The following TGM5 variants were observed in gnomAD, a reference collection of about 807,000 sequenced individuals.
TGM5 encodes transglutaminase 5, also known as protein-glutamine gamma-glutamyltransferase 5.
TGM5 carries 69 observed loss-of-function variants against 77.2 expected under a neutral mutation model. That is an observed-to-expected ratio of 0.89 (90% CI 0.74 to 1.09). TGM5 has a LOEUF of 1.09. TGM5 is among the 50% of genes least tolerant of loss of function. The pLI is 0.00. For synonymous variants in TGM5, 346 were observed against 351.8 expected (o/e 0.98, Z 0.18); for missense variants, 842 against 896.5 (o/e 0.94, Z 0.78).
chr15:43,236,049 A>G (rs1278737379), intron 9 of TGM5, among the ~76,000 whole-genome samples: 1 of 152,252 alleles, frequency 6.6e-6, no homozygotes, highest in Non-Finnish European at 1.5e-5. Context: ...AGCAAGGTGT[A>G]TTACCATTAG....
At chr15:43,250,311 T>G (rs2042695606) in intron 6 of TGM5, among the ~76,000 whole-genome samples, 1 of 152,222 alleles carries the variant, frequency 6.6e-6, no homozygotes, top group South Asian at 2.1e-4. Flanking sequence ...CAGTATGAAG[T>G]CACTCAATCC....
chr15:43,245,041 C>G (rs978100081), intron 6 of TGM5, among the ~76,000 whole-genome samples: 1 of 152,030 alleles, frequency 6.6e-6, no homozygotes, highest in Non-Finnish European at 1.5e-5. Flanking sequence ...TGCACTCCAG[C>G]CTGGGTGCTC....
rs1248484913 is a variant in TGM5, at chr15:43,257,380, A to G, written c.437-694T>C. Among the ~76,000 whole-genome samples the G allele has an allele frequency of 2.6e-5, 4 of 152,354 alleles. No homozygotes were observed. In the East Asian group the frequency reaches 5.8e-4, roughly 22 times the overall value. On this transcript the variant is annotated intron_variant, in intron 3 of 12. Transcript: ENST00000220420. ...ATACATGAAGTCTGAACAGATTATG[A>G]ACAATGTTTACAGCATGAATTTTTA...
intron 6 of TGM5, chr15:43,247,717 T>C (rs1029437879): frequency 2.6e-5 from 4 of 151,826 alleles, no homozygotes; most frequent in Non-Finnish European, 4.4e-5. Flanking sequence ...AACTAATTCA[T>C]CACAACAAGT....
At chr15:43,248,657 T>C (rs2042684672) in intron 6 of TGM5, among the ~76,000 whole-genome samples, 1 of 152,208 alleles carries the variant, frequency 6.6e-6, no homozygotes, top group Non-Finnish European at 1.5e-5. Context: ...CTTATGTCAA[T>C]GGAAATCAAT....
Position 43,238,952 on chromosome 15 carries a change from T to G in TGM5, c.1210A>C (p.Met404Leu). 1 of 1,614,226 alleles carries G rather than the reference T, an allele frequency of 6.2e-7. No homozygotes were observed. Among genetic ancestry groups the G allele is most frequent in the Non-Finnish European group, 8.5e-7 (1 of 1,180,048 alleles). ...TTCCCTCCCTGGACGAGCCAGGACA[T>G]GCAGTCAGCATTCACCATCGAAAAC... is the stretch of plus-strand genomic sequence containing the variant. ...FVFSMVNADC[M>L]SWLVQGGKEQ... The change falls in exon 9 of 13, where the codon ATG (methionine) becomes CTG (leucine). Residue 404 changes from methionine (M) to leucine (L), a missense_variant. By Grantham distance (15) the Met-to-Leu change is conservative. Around this residue, in one of 2 missense-constraint regions of TGM5, gnomAD observed 815 missense variants for 844.6 expected, o/e 0.96. Transcript: ENST00000220420.
At chr15:43,239,345 A>C in intron 7 of TGM5, 79 bp from the exon 8 acceptor site, 1 of 1,426,084 alleles carries the variant, frequency 7.0e-7, no homozygotes, top group African/African-American at 1.4e-5. Context: ...GAGCAAATGA[A>C]CTGTTGGATA....
intron 4 of TGM5, 41 bp downstream of exon 4, chr15:43,256,527 G>T: frequency 2.0e-6 from 3 of 1,508,878 alleles, no homozygotes; most frequent in Non-Finnish European, 1.8e-6. Flanking sequence ...CTCCCCACAA[G>T]CTCGGGGCCG....
At chr15:43,246,981 A>T (rs1291401517) in intron 6 of TGM5, among the ~76,000 whole-genome samples, 2 of 152,086 alleles carry the variant, frequency 1.3e-5, no homozygotes, top group Non-Finnish European at 2.9e-5. Flanking sequence ...AACATGGCGA[A>T]ACCCTGCCTC....
chr15:43,233,069 CTG>C lies in TGM5; in HGVS notation c.*120_*121del, dbSNP rs1312507796. The C allele has an allele frequency of 7.3e-6, 9 of 1,227,940 alleles. No individual in the cohort carries two copies. The highest frequency in any genetic ancestry group is 1.0e-5 in the Non-Finnish European group (9 of 865,856). 76.1% of individuals were successfully genotyped at this position (1,227,940 alleles called of 1,614,324 possible). ...ACAGAAAATGAACACGTCATCCCCTCTGTGGCTCTTGCTGGAGCCCTGTGAAG... is the reference window on the plus strand; with the variant it reads ...ACAGAAAATGAACACGTCATCCCCTCTGGCTCTTGCTGGAGCCCTGTGAAG... On this transcript the variant is annotated 3_prime_UTR_variant, in exon 13 of 13. Coordinates refer to ENST00000220420, the MANE Select transcript of TGM5 (RefSeq NM_201631.4).
At chr15:43,235,128 G>A (rs2042578342) in intron 10 of TGM5, among the ~76,000 whole-genome samples, 199 bp from the exon 11 acceptor site, 1 of 152,178 alleles carries the variant, frequency 6.6e-6, no homozygotes, top group Non-Finnish European at 1.5e-5. Flanking sequence ...CTAGGAAATG[G>A]GAGAGCTGAG....
At position 43,233,356 on chromosome 15, in the gene TGM5, A is replaced by G; in HGVS notation, c.2010-12T>C. ...TGAGGACTCCAAGGCTGCAACAGAG[A>G]ATGGAGCATGTCAGAAAACCAAAAG... On this transcript the variant is annotated splice_polypyrimidine_tract_variant and intron_variant, in intron 12 of 12. Coordinates refer to ENST00000220420, the MANE Select transcript of TGM5 (RefSeq NM_201631.4). 2 of 1,613,330 alleles carry G rather than the reference A, an allele frequency of 1.2e-6. No homozygotes were observed. Among genetic ancestry groups the G allele is most frequent in the South Asian group, 2.2e-5 (2 of 91,070 alleles).
intron 6 of TGM5, among the ~76,000 whole-genome samples, chr15:43,250,848 C>T (rs919997125): frequency 6.6e-6 from 1 of 152,162 alleles, no homozygotes; most frequent in Admixed American, 6.5e-5. Flanking sequence ...GACTGGGCCA[C>T]GTTTGACCTA....
At chr15:43,235,077 T>C (rs770342370) in intron 10 of TGM5, 148 bp from the exon 11 acceptor site, 241 of 1,058,254 alleles carry the variant, frequency 2.3e-4, no homozygotes, top group Non-Finnish European at 3.0e-4. Flanking sequence ...GATGAGGAAA[T>C]GAGCTGAAAA....
At chr15:43,239,772 G>A (rs1236860731) in intron 7 of TGM5, 1 of 188,306 alleles carries the variant, frequency 5.3e-6, no homozygotes, top group Non-Finnish European at 1.1e-5. Context: ...TGAACAGAAA[G>A]TGAAGGCTTC....
intron 6 of TGM5, among the ~76,000 whole-genome samples, chr15:43,245,483 C>T (rs2042663665): frequency 6.6e-6 from 1 of 152,168 alleles, no homozygotes; most frequent in Admixed American, 6.5e-5. Context: ...TGTTCTCTCT[C>T]ACCTGTAATG....
At chr15:43,253,419 C>A (rs562747408) in intron 5 of TGM5, 87 bp downstream of exon 5, 30 of 1,580,460 alleles carry the variant, frequency 1.9e-5, no homozygotes, top group African/African-American at 2.7e-5. Flanking sequence ...GAGGGTCCCT[C>A]TTTCACCCAC....
At chr15:43,260,626 C>A (rs773748734) in intron 1 of TGM5, 47 bp from the exon 2 acceptor site, 1 of 1,600,964 alleles carries the variant, frequency 6.2e-7, no homozygotes, top group South Asian at 1.1e-5. Flanking sequence ...GGTTGTGGAG[C>A]CAATCCTGTC....
intron 9 of TGM5, 54 bp downstream of exon 9, chr15:43,238,763 G>A (rs1039363730): frequency 1.2e-6 from 2 of 1,604,516 alleles, no homozygotes; most frequent in Non-Finnish European, 8.5e-7. Context: ...CCCTGGGGTA[G>A]GGGAAGGTTC....
Sources: allele counts gnomAD v4.1 joint callset (sites outside exome capture counted in the v4.1 genomes callset), GRCh38; gene constraint gnomAD v4.1.1; regional missense constraint gnomAD v4.1.1; transcripts MANE v1.5; gene names NCBI Gene and HGNC (gene_info 2026-07-23, HGNC 2026-07-21).